RAPGEF4: variants seen among roughly 807,000 people sequenced by gnomAD.
RAPGEF4 encodes RAP guanine-nucleotide-exchange factor (GEF) 4.
RAPGEF4 carries 66 observed loss-of-function variants against 147.9 expected under a neutral mutation model. The observed-to-expected ratio is 0.45, with a 90% confidence interval of 0.37 to 0.55. RAPGEF4 has a LOEUF of 0.55. Ranked by LOEUF, RAPGEF4 falls within the 20% of genes least tolerant of loss-of-function variation. The pLI is 0.00. For missense variants in RAPGEF4, 1,071 were observed against 1,257.3 expected, an observed-to-expected ratio of 0.85 and a Z score of 2.24; for synonymous variants, 419 against 442.7, an observed-to-expected ratio of 0.95 and a Z score of 0.67.
chr2:172,880,642 G>A (rs889337266), intron 4 of RAPGEF4, among the ~76,000 whole-genome samples: 1 of 152,324 alleles, frequency 6.6e-6, no homozygotes, highest in East Asian at 1.9e-4. Flanking sequence ...TTAGCTATAT[G>A]GCTAGTTGGT....
intron 1 of RAPGEF4, among the ~76,000 whole-genome samples, chr2:172,743,472 C>T (rs1262082296): frequency 2.0e-5 from 3 of 152,182 alleles, no homozygotes; most frequent in Admixed American, 6.5e-5. Flanking sequence ...GCTGTAACTG[C>T]TCAGATTCCT....
At chr2:173,045,801 C>T (rs1685398659) in intron 29 of RAPGEF4, among the ~76,000 whole-genome samples, 1 of 152,104 alleles carries the variant, frequency 6.6e-6, no homozygotes, top group African/African-American at 2.4e-5. Flanking sequence ...GTGGGAGAGC[C>T]ACTGTTTATA....
At chr2:172,764,462 T>G (rs1453331114) in intron 1 of RAPGEF4, among the ~76,000 whole-genome samples, 2 of 152,128 alleles carry the variant, frequency 1.3e-5, no homozygotes, top group African/African-American at 4.8e-5. Flanking sequence ...TTTCCTGCTT[T>G]TATTTTGTTT....
intron 5 of RAPGEF4, among the ~76,000 whole-genome samples, chr2:172,920,112 G>A (rs1327619477): frequency 3.9e-5 from 6 of 152,038 alleles, no homozygotes; most frequent in African/African-American, 7.2e-5. Context: ...TACAGAAAGT[G>A]GAGAGAATGA....
At chr2:172,884,798 A>G (rs573994122) in intron 4 of RAPGEF4, among the ~76,000 whole-genome samples, 1 of 152,236 alleles carries the variant, frequency 6.6e-6, no homozygotes, top group Non-Finnish European at 1.5e-5. Flanking sequence ...CATATGCAAC[A>G]TACTTCAGTT....
chr2:172,821,828 T>C (rs1274183373), intron 4 of RAPGEF4: 2 of 1,422,202 alleles, frequency 1.4e-6, no homozygotes, highest in Non-Finnish European at 1.8e-6. Context: ...CCAGTTTCCT[T>C]TCTGTGGACT....
In RAPGEF4 at chr2:172,735,860, G is replaced by T. The variant is rs1693690669; in HGVS notation, c.-124G>T. The T allele has an allele frequency of 7.4e-6, 6 of 808,498 alleles. No homozygotes were observed. The highest frequency in any genetic ancestry group is 4.8e-5 in the Admixed American group (1 of 20,664). 50.1% of individuals were successfully genotyped at this position (808,498 alleles called of 1,614,324 possible). A position where few individuals can be genotyped will look rare whatever the true frequency, so the allele number is the denominator to read the frequency against. On this transcript the variant is annotated 5_prime_UTR_variant, in exon 1 of 31. Coordinates refer to ENST00000397081, the MANE Select transcript of RAPGEF4 (RefSeq NM_007023.4). Reference sequence around the variant, plus strand: ...CGGGGAGGGCGGGCCTGTCGCAGCCGCGCTGGTCGCCAGGCGTCCGGGAGG... The same window carrying T: ...CGGGGAGGGCGGGCCTGTCGCAGCCTCGCTGGTCGCCAGGCGTCCGGGAGG...
chr2:172,755,497 G>A (rs775973980), intron 1 of RAPGEF4, among the ~76,000 whole-genome samples: 7 of 152,184 alleles, frequency 4.6e-5, no homozygotes, highest in South Asian at 2.1e-4. Flanking sequence ...CAGTTCAAGC[G>A]ATTCTCCTGC....
intron 4 of RAPGEF4, among the ~76,000 whole-genome samples, chr2:172,890,654 G>A (rs1697795233): frequency 6.6e-6 from 1 of 152,194 alleles, no homozygotes; most frequent in African/African-American, 2.4e-5. Flanking sequence ...AACCTAGACA[G>A]ACAGCTTCAC....
chr2:172,839,869 G>A (rs1057327589), intron 4 of RAPGEF4, among the ~76,000 whole-genome samples: 12 of 152,164 alleles, frequency 7.9e-5, no homozygotes, highest in East Asian at 1.9e-4. Context: ...GGCATTGGGC[G>A]TACGGAGGTA....
At position 172,829,240 on chromosome 2, in the gene RAPGEF4, C is replaced by G. The variant is rs189923763; in HGVS notation, c.444+14815C>G. On this transcript the variant is annotated intron_variant, in intron 4 of 30. Coordinates refer to ENST00000397081, the MANE Select transcript of RAPGEF4 (RefSeq NM_007023.4). ...CAGGTCTTTCTCAGTCAGTGCCTCC[C>G]ACTTTCAGCAGGAGTTCTGCTGATA... Among the ~76,000 whole-genome samples the G allele has an allele frequency of 5.3e-5, 8 of 152,348 alleles. No individual in the cohort carries two copies. In the East Asian group the frequency reaches 1.5e-3, roughly 29 times the overall value.
chr2:172,848,939 A>G (rs1457526892), intron 4 of RAPGEF4, among the ~76,000 whole-genome samples: 2 of 152,224 alleles, frequency 1.3e-5, no homozygotes, highest in Non-Finnish European at 2.9e-5. Flanking sequence ...TGTTGACTAA[A>G]GGAGACCATT....
intron 17 of RAPGEF4, among the ~76,000 whole-genome samples, chr2:173,010,362 A>G (rs941726048): frequency 1.3e-5 from 2 of 152,206 alleles, no homozygotes; most frequent in African/African-American, 4.8e-5. Context: ...CTCTTTCCCT[A>G]TGAGTTCAGG....
intron 4 of RAPGEF4, among the ~76,000 whole-genome samples, chr2:172,849,619 A>C (rs1692591762): frequency 6.6e-6 from 1 of 152,214 alleles, no homozygotes; most frequent in South Asian, 2.1e-4. Context: ...TTGTACACGA[A>C]GGCACAGCCA....
intron 4 of RAPGEF4, among the ~76,000 whole-genome samples, chr2:172,895,569 C>T (rs1016360955): frequency 5.9e-5 from 9 of 152,096 alleles, no homozygotes; most frequent in African/African-American, 1.7e-4. Flanking sequence ...TTAGTTATTG[C>T]CAAAATGATT....
At chr2:172,998,201 A>G (rs1432452650) in intron 16 of RAPGEF4, among the ~76,000 whole-genome samples, 1 of 152,240 alleles carries the variant, frequency 6.6e-6, no homozygotes, top group African/African-American at 2.4e-5. Flanking sequence ...TGAGGGATCT[A>G]GAAAAGTATC....
chr2:172,761,438 G>A lies in RAPGEF4; in HGVS notation c.65+25390G>A, dbSNP rs910941674. Among the ~76,000 whole-genome samples, 9 of 151,968 alleles carry A rather than the reference G, an allele frequency of 5.9e-5. No individual in the cohort carries two copies. The South Asian group carries it at 8.3e-4, about 14-fold the overall frequency. ...ATTACAGGCGTGAGCCACCGTGCCC[G>A]GCCTGAAGTGGAACATTTTTCAAAT... On this transcript the variant is annotated intron_variant, in intron 1 of 30. Transcript: ENST00000397081.
chr2:172,955,969 G>A (rs1688686975), intron 6 of RAPGEF4, among the ~76,000 whole-genome samples: 1 of 152,168 alleles, frequency 6.6e-6, no homozygotes, highest in Admixed American at 6.5e-5. Flanking sequence ...GACTCTCACG[G>A]ATACTGCAGT....
intron 4 of RAPGEF4, among the ~76,000 whole-genome samples, chr2:172,903,675 A>G (rs1261444041): frequency 6.6e-6 from 1 of 151,026 alleles, no homozygotes; most frequent in African/African-American, 2.4e-5. Flanking sequence ...ATGTGCATGG[A>G]TATGGCAAAA....
Sources: allele counts gnomAD v4.1 joint callset (sites outside exome capture counted in the v4.1 genomes callset), GRCh38; gene constraint gnomAD v4.1.1; transcripts MANE v1.5; gene names NCBI Gene and HGNC (gene_info 2026-07-23, HGNC 2026-07-21).